Variants in FRYL observed in about 807,000 individuals in gnomAD.
FRYL encodes the protein FRY like transcription coactivator.
FRYL carries 150 observed loss-of-function variants against 351.2 expected under a neutral mutation model. The ratio of observed to expected loss-of-function variants is 0.43; its 90% CI spans 0.37 to 0.49. The LOEUF is 0.49. Ranked by LOEUF, FRYL falls within the 20% of genes least tolerant of loss-of-function variation. FRYL has a pLI of 0.00. For missense variants in FRYL, 3,036 were observed against 3,619.3 expected (o/e 0.84, Z 4.13); for synonymous variants, 1,153 against 1,257.1 (o/e 0.92, Z 1.75).
At chr4:48,550,023 C>T (rs1326996962) in intron 38 of FRYL, among the ~76,000 whole-genome samples, 1 of 152,142 alleles carries the variant, frequency 6.6e-6, no homozygotes. Context: ...CTCTGCTCTA[C>T]CACAGTGGGG....
In FRYL at chr4:48,648,302, A is replaced by G. The variant is rs544408021; in HGVS notation, c.-80-13812T>C. Reference sequence around the variant, plus strand: ...TAGGATTAAGACCAAAATCCATAACAAGGTTTTTGCTATTCTACATGGTCT... The same window carrying G: ...TAGGATTAAGACCAAAATCCATAACGAGGTTTTTGCTATTCTACATGGTCT... On this transcript the variant is annotated intron_variant, in intron 3 of 63. Transcript: ENST00000358350. Among the ~76,000 whole-genome samples, 18 of 152,174 alleles carry G rather than the reference A, an allele frequency of 1.2e-4. No homozygotes were observed. The South Asian group carries it at 3.7e-3, about 32-fold the overall frequency.
intron 49 of FRYL, 94 bp downstream of exon 49, chr4:48,534,443 ACCACTTCC>A: frequency 1.1e-6 from 1 of 895,604 alleles, no homozygotes; most frequent in Non-Finnish European, 1.7e-6. Context: ...TTATGGTTGA[ACCACTTCC>A]CCATTCTTCG....
intron 2 of FRYL, among the ~76,000 whole-genome samples, chr4:48,707,285 C>T (rs1033208125): frequency 6.6e-6 from 1 of 152,040 alleles, no homozygotes; most frequent in Non-Finnish European, 1.5e-5. Context: ...AAAAAAAGTA[C>T]ACAGATCTGC....
intron 4 of FRYL, among the ~76,000 whole-genome samples, chr4:48,631,481 C>T (rs1752945982): frequency 6.6e-6 from 1 of 151,852 alleles, no homozygotes; most frequent in Non-Finnish European, 1.5e-5. Context: ...AAAAGGCACA[C>T]ACCACAGCAA....
At chr4:48,703,565 T>A (rs906954656) in intron 2 of FRYL, among the ~76,000 whole-genome samples, 1 of 152,204 alleles carries the variant, frequency 6.6e-6, no homozygotes, top group African/African-American at 2.4e-5. Context: ...TTTTACACAC[T>A]GTTTCCTATG....
intron 7 of FRYL, among the ~76,000 whole-genome samples, chr4:48,616,006 T>C (rs528056111): frequency 2.6e-5 from 4 of 151,228 alleles, no homozygotes; most frequent in Middle Eastern, 3.4e-3. Context: ...TAAACGGGAG[T>C]TGAACAATGA....
chr4:48,760,282 C>T (rs919086758), intron 1 of FRYL, among the ~76,000 whole-genome samples: 2 of 152,034 alleles, frequency 1.3e-5, no homozygotes, highest in African/African-American at 4.8e-5. Context: ...CATGCCTCAA[C>T]CTTCCAATTA....
At chr4:48,608,082 A>G (rs1261901495) in intron 9 of FRYL, among the ~76,000 whole-genome samples, 1 of 152,212 alleles carries the variant, frequency 6.6e-6, no homozygotes, top group Non-Finnish European at 1.5e-5. Context: ...TACTCAAACC[A>G]TAAGGTATTA....
intron 33 of FRYL, among the ~76,000 whole-genome samples, chr4:48,559,951 C>T (rs548461987): frequency 5.3e-5 from 8 of 152,160 alleles, no homozygotes; most frequent in African/African-American, 1.9e-4. Context: ...TTGGAAGGTA[C>T]CTGGTGAGGC....
At chr4:48,715,069 A>G (rs1186241910) in intron 1 of FRYL, among the ~76,000 whole-genome samples, 3 of 152,226 alleles carry the variant, frequency 2.0e-5, no homozygotes, top group African/African-American at 7.2e-5. Flanking sequence ...ACTAAATTCA[A>G]TAACCCTTCA....
In FRYL at chr4:48,512,576, C is replaced by G; in HGVS notation, c.8050G>C (p.Glu2684Gln). The G allele has an allele frequency of 4.3e-6, 7 of 1,614,044 alleles. No individual in the cohort carries two copies. The highest frequency in any genetic ancestry group is 5.9e-6 in the Non-Finnish European group (7 of 1,179,950). ...AFQPVAYDDEEEAWRCHVNQM... is the reference protein window; with the variant it reads ...AFQPVAYDDEQEAWRCHVNQM... Reference sequence around the variant, plus strand: ...TTGACGTGGCAGCGCCAGGCTTCCTCTTCATCATCATATGCCACGGGCTGA... The same window carrying G: ...TTGACGTGGCAGCGCCAGGCTTCCTGTTCATCATCATATGCCACGGGCTGA... Residue 2684 changes from glutamate to glutamine, a missense_variant, in exon 57 of 64, where the codon GAG becomes CAG. Coordinates refer to ENST00000358350, the MANE Select transcript of FRYL (RefSeq NM_015030.2).
At chr4:48,637,166 C>T (rs567513317) in intron 3 of FRYL, 1 of 152,138 alleles carries the variant, frequency 6.6e-6, no homozygotes, top group African/African-American at 2.4e-5. Context: ...AGGACAAGGA[C>T]ATGAACAAGC....
At chr4:48,737,922 TAA>T (rs1220358092) in intron 1 of FRYL, among the ~76,000 whole-genome samples, 1 of 152,172 alleles carries the variant, frequency 6.6e-6, no homozygotes, top group Non-Finnish European at 1.5e-5. Flanking sequence ...TCATTCATGA[TAA>T]AGACTCTCAG....
chr4:48,548,576 A>G, intron 40 of FRYL, 114 bp downstream of exon 40: 1 of 656,476 alleles, frequency 1.5e-6, no homozygotes, highest in Admixed American at 2.7e-5. Flanking sequence ...GTGTCATGGA[A>G]ATAACATAAA....
chr4:48,670,160 G>A (rs917605854), intron 3 of FRYL, among the ~76,000 whole-genome samples: 1 of 151,906 alleles, frequency 6.6e-6, no homozygotes, highest in Admixed American at 6.6e-5. Context: ...ATAGGCTGGT[G>A]CAGTGGCTCA....
At position 48,542,077 on chromosome 4, in the gene FRYL, A is replaced by G. The variant is rs1730296600; in HGVS notation, c.5637T>C (p.Asp1879=). The change falls in exon 45 of 64, where the codon GAT becomes GAC. Residue 1879 remains aspartate (D), a synonymous_variant. Transcript: ENST00000358350. ...ELLLTLESAI[D]TLAETMKHYD... ...AATGCTTCATGGTTTCAGCCAAAGT[A>G]TCAATTGCAGATTCCAATGTGAGAA... The G allele has an allele frequency of 6.2e-7, 1 of 1,613,936 alleles. No individual in the cohort carries two copies. The highest frequency in any genetic ancestry group is 8.5e-7 in the Non-Finnish European group (1 of 1,179,830).
intron 1 of FRYL, among the ~76,000 whole-genome samples, chr4:48,766,426 T>C (rs1379919617): frequency 6.6e-6 from 1 of 152,194 alleles, no homozygotes; most frequent in East Asian, 1.9e-4. Context: ...CATGCTGGTA[T>C]ATTTCACTAA....
chr4:48,505,452 T>G, intron 60 of FRYL, 95 bp downstream of exon 60: 1 of 767,960 alleles, frequency 1.3e-6, no homozygotes, highest in South Asian at 1.5e-5. Flanking sequence ...ATATTCTTTA[T>G]TTTTAGAAAT....
intron 7 of FRYL, among the ~76,000 whole-genome samples, chr4:48,615,494 TAA>T (rs2149302914): frequency 6.6e-6 from 1 of 152,368 alleles, no homozygotes; most frequent in Admixed American, 6.5e-5. Flanking sequence ...AATTCAATAT[TAA>T]AAAGAGTATT....
Sources: allele counts gnomAD v4.1 joint callset (sites outside exome capture counted in the v4.1 genomes callset), GRCh38; gene constraint gnomAD v4.1.1; transcripts MANE v1.5; gene names NCBI Gene and HGNC (gene_info 2026-07-23, HGNC 2026-07-21).